The following PPP2R3B variants were observed in gnomAD, a reference collection of about 807,000 sequenced individuals.
PPP2R3B encodes the protein protein phosphatase 2 regulatory subunit B''beta, also known as serine/threonine-protein phosphatase 2A regulatory subunit B'' subunit beta.
A neutral mutation model predicts 72.9 loss-of-function variants in PPP2R3B; 68 were observed. The ratio of observed to expected loss-of-function variants is 0.93; its 90% CI spans 0.77 to 1.14. The LOEUF is 1.14. Among genes scored for constraint, PPP2R3B ranks in the 50% most tolerant of loss-of-function variants. The pLI is 0.00. For synonymous variants in PPP2R3B, 466 were observed against 375.8 expected (o/e 1.24, Z -2.78); for missense variants, 1,018 against 842.0 (o/e 1.21, Z -2.59).
At chrX:345,433 G>A (rs757053351) in intron 7 of PPP2R3B, 83 bp downstream of exon 7, 4 of 1,566,802 alleles carry the variant, frequency 2.6e-6, no homozygotes, top group South Asian at 2.3e-5. Flanking sequence ...TGCGGAAGGA[G>A]AGGCAGCTGC....
chrX:353,854 C>G (rs867346894), intron 2 of PPP2R3B, among the ~76,000 whole-genome samples: 33 of 93,168 alleles, frequency 3.5e-4, no homozygotes, highest in Admixed American at 2.9e-3. Context: ...CGCCCAGGGA[C>G]CGGGGGCTCA....
intron 1 of PPP2R3B, among the ~76,000 whole-genome samples, chrX:385,082 G>A (rs1216005273): frequency 2.0e-5 from 3 of 150,662 alleles, no homozygotes; most frequent in Admixed American, 6.6e-5. Flanking sequence ...CTGCAGAGTT[G>A]CTTCACCTTT....
chrX:348,444 C>T (rs1239575955), intron 2 of PPP2R3B, among the ~76,000 whole-genome samples: 2 of 151,782 alleles, frequency 1.3e-5, no homozygotes, highest in Admixed American at 6.6e-5. Context: ...GGCATGGTGG[C>T]GGGCGCCTGT....
intron 1 of PPP2R3B, among the ~76,000 whole-genome samples, chrX:374,603 A>C (rs1259473192): frequency 6.6e-6 from 1 of 152,124 alleles, no homozygotes; most frequent in Non-Finnish European, 1.5e-5. Context: ...ACCGGGAAGG[A>C]GACAGGATAC....
At chrX:342,029 G>C (rs1211424869) in intron 7 of PPP2R3B, 98 bp from the exon 8 acceptor site, 1 of 1,468,784 alleles carries the variant, frequency 6.8e-7, no homozygotes, top group Non-Finnish European at 9.5e-7. Context: ...GGACCGAAAA[G>C]CTGAGAGGAC....
In PPP2R3B at chrX:333,975, C is replaced by G. The variant is rs761001472; in HGVS notation, c.*392G>C. ...CGTGATCGCCAGAAACGGTTTTGTACGTTTACACAAAACATTCACACAGCC... is the reference window on the plus strand; with the variant it reads ...CGTGATCGCCAGAAACGGTTTTGTAGGTTTACACAAAACATTCACACAGCC... On this transcript the variant is annotated 3_prime_UTR_variant, in exon 13 of 13. Coordinates refer to ENST00000390665, the MANE Select transcript of PPP2R3B (RefSeq NM_013239.5). 1 of 182,534 alleles carries G rather than the reference C, an allele frequency of 5.5e-6. No individual in the cohort carries two copies. Among genetic ancestry groups the G allele is most frequent in the African/African-American group, 2.3e-5 (1 of 42,678 alleles). 11.3% of individuals were successfully genotyped at this position (182,534 alleles called of 1,614,324 possible). A position where few individuals can be genotyped will look rare whatever the true frequency, so the allele number is the denominator to read the frequency against.
At chrX:342,395 C>G (rs1239326092) in intron 7 of PPP2R3B, among the ~76,000 whole-genome samples, 3 of 103,442 alleles carry the variant, frequency 2.9e-5, no homozygotes, top group Admixed American at 1.9e-4. Context: ...ACCTCAGCAA[C>G]GGGAGGCGGG....
At chrX:351,017 G>T (rs1256857929) in intron 2 of PPP2R3B, among the ~76,000 whole-genome samples, 3 of 152,188 alleles carry the variant, frequency 2.0e-5, no homozygotes, top group South Asian at 2.1e-4. Flanking sequence ...ACCACGGGGG[G>T]GCGTGGGGGA....
At chrX:363,595 C>G (rs1429241103) in intron 1 of PPP2R3B, among the ~76,000 whole-genome samples, 7 of 129,204 alleles carry the variant, frequency 5.4e-5, no homozygotes, top group East Asian at 2.3e-4. Context: ...ATGCATCTCC[C>G]CGTGCCCGCA....
chrX:369,736 G>T (rs2071815048), intron 1 of PPP2R3B, among the ~76,000 whole-genome samples: 2 of 152,236 alleles, frequency 1.3e-5, no homozygotes, highest in Admixed American at 1.3e-4. Flanking sequence ...CCCCACGGCA[G>T]CAGGACCGGA....
At position 361,392 on chromosome X, in the gene PPP2R3B, G is replaced by T; in HGVS notation, c.510+13C>A. On this transcript the variant is annotated intron_variant, in intron 2 of 12. Coordinates refer to ENST00000390665, the MANE Select transcript of PPP2R3B (RefSeq NM_013239.5). ...CCACCTCGGCTGCTCCACGTCCCACGCGTGACACGTACCTTGGCCACCAGG... is the reference window on the plus strand; with the variant it reads ...CCACCTCGGCTGCTCCACGTCCCACTCGTGACACGTACCTTGGCCACCAGG... 6.2e-7 allele frequency: 1 copy of T among 1,613,772 alleles called. No individual in the cohort carries two copies. Among genetic ancestry groups the T allele is most frequent in the Non-Finnish European group, 8.5e-7 (1 of 1,179,692 alleles).
chrX:382,728 AC>A (rs1171270034), intron 1 of PPP2R3B, among the ~76,000 whole-genome samples: 2 of 152,068 alleles, frequency 1.3e-5, no homozygotes, highest in Non-Finnish European at 2.9e-5. Context: ...CACAGACCTG[AC>A]CTTCCGTCAA....
At chrX:334,555 C>A (rs764800665) in intron 12 of PPP2R3B, 38 bp from the exon 13 acceptor site, 1 of 1,457,652 alleles carries the variant, frequency 6.9e-7, no homozygotes, top group Non-Finnish European at 9.0e-7. Flanking sequence ...GCCAGCAGCG[C>A]GGAGCAGGCC....
intron 2 of PPP2R3B, among the ~76,000 whole-genome samples, chrX:351,351 C>T (rs188956728): frequency 1.9e-4 from 29 of 152,270 alleles, no homozygotes; most frequent in East Asian, 1.9e-4. Flanking sequence ...AAACCCCAAG[C>T]GCTCAACACC....
At position 386,554 on chromosome X, in the gene PPP2R3B, C is replaced by A; in HGVS notation, c.138G>T (p.Gln46His). Residue 46 changes from glutamine (Q) to histidine (H), a missense_variant, in exon 1 of 13, where the codon CAG becomes CAT. Gln to His is a conservative substitution (Grantham distance 24, BLOSUM62 0). Transcript: ENST00000390665. The stretch of plus-strand genomic sequence containing the variant: ...GCTGCTCCCCGTCCCCCGGGGTCGG[C>A]TGGTCCCGCCCGGGCGCCTTGATCC... ...LRRIKAPGRD[Q>H]PTPGDGEQPG... 7.0e-7 allele frequency: 1 copy of A among 1,434,462 alleles called. No individual in the cohort carries two copies. The allele number at this position is 1,434,462 out of a possible 1,614,324, so 88.9% of individuals were successfully genotyped here.
intron 1 of PPP2R3B, among the ~76,000 whole-genome samples, chrX:384,854 G>A (rs1034012389): frequency 6.6e-6 from 1 of 151,790 alleles, no homozygotes; most frequent in African/African-American, 2.4e-5. Context: ...GGGTGGTGGT[G>A]TGCGCCTGTA....
chrX:338,427 C>T (rs1327769920), intron 12 of PPP2R3B, 177 bp downstream of exon 12: 1 of 670,662 alleles, frequency 1.5e-6, no homozygotes. Context: ...CATCGGCTGT[C>T]CTTACCTCAC....
chrX:371,020 GGA>G (rs2071850139), intron 1 of PPP2R3B, among the ~76,000 whole-genome samples: 1 of 152,120 alleles, frequency 6.6e-6, no homozygotes, highest in Non-Finnish European at 1.5e-5. Context: ...GTGGGGAGCG[GGA>G]GAGTCACTCC....
rs760963162 is a variant in PPP2R3B at position 367,110 on chromosome X, G to A, written c.325-5520C>T. On this transcript the variant is annotated intron_variant, in intron 1 of 12. Transcript: ENST00000390665. Reference sequence around the variant, plus strand: ...TGCACCCCATTAACAGACACTCTACGGGGCAAAAGCTGAGGAAATGCAGCA... The same window carrying A: ...TGCACCCCATTAACAGACACTCTACAGGGCAAAAGCTGAGGAAATGCAGCA... 1.6e-4 allele frequency among the ~76,000 whole-genome samples: 24 copies of A among 152,120 alleles called. No homozygotes were observed. The South Asian group carries it at 2.1e-3, about 13-fold the overall frequency.
Sources: allele counts gnomAD v4.1 joint callset (sites outside exome capture counted in the v4.1 genomes callset), GRCh38; gene constraint gnomAD v4.1.1; transcripts MANE v1.5; gene names NCBI Gene and HGNC (gene_info 2026-07-23, HGNC 2026-07-21).